PHF24: variants seen among roughly 807,000 people sequenced by gnomAD.
The protein encoded by PHF24 is PHD finger protein 24, also known as Galpha inhibitory interacting protein.
PHF24 carries 25 observed loss-of-function variants against 42.6 expected under a neutral mutation model. That is an observed-to-expected ratio of 0.59 (90% CI 0.43 to 0.82). PHF24 has a LOEUF of 0.82. PHF24 is among the 40% of genes least tolerant of loss of function. The probability of loss-of-function intolerance (pLI) is 0.00; values close to 1 mark genes in which losing one functional copy is unlikely to be tolerated. For missense variants in PHF24, 470 were observed against 538.1 expected, an observed-to-expected ratio of 0.87 and a Z score of 1.25; for synonymous variants, 185 against 204.8, an observed-to-expected ratio of 0.90 and a Z score of 0.83.
chr9:34,803,233 C>G, the PHF24 span, among the ~76,000 whole-genome samples: 1 of 151,928 alleles, frequency 6.6e-6, no homozygotes, highest in African/African-American at 2.4e-5. Flanking sequence ...GTGGATGTCT[C>G]TTAAAGACTC....
the PHF24 span, among the ~76,000 whole-genome samples, chr9:34,759,580 C>T: frequency 9.2e-5 from 14 of 152,280 alleles, no homozygotes; most frequent in African/African-American, 3.4e-4. Flanking sequence ...AAGAGGTGAG[C>T]AGAGCACCAT....
At chr9:34,717,157 C>T in the PHF24 span, among the ~76,000 whole-genome samples, 1 of 152,112 alleles carries the variant, frequency 6.6e-6, no homozygotes, top group South Asian at 2.1e-4. Context: ...CACCCACCAG[C>T]ATTATCTGTC....
intron 7 of PHF24, 148 bp from the exon 8 acceptor site, chr9:34,977,866 CT>C: frequency 1.3e-6 from 1 of 773,202 alleles, no homozygotes; most frequent in Non-Finnish European, 2.2e-6. Context: ...CCAAGCTTCC[CT>C]GAGTTTTGTG....
the PHF24 span, chr9:34,918,285 T>C: frequency 7.7e-7 from 1 of 1,306,922 alleles, no homozygotes; most frequent in Non-Finnish European, 1.1e-6. Context: ...GCCCTTCCAG[T>C]ACAAAAACTA....
At chr9:34,729,329 C>T in the PHF24 span, 2 of 1,552,008 alleles carry the variant, frequency 1.3e-6, no homozygotes, top group South Asian at 1.2e-5. Flanking sequence ...CATGGTGGCT[C>T]CTTTTCACTT....
the PHF24 span, among the ~76,000 whole-genome samples, chr9:34,768,473 C>T: frequency 6.6e-6 from 1 of 152,028 alleles, no homozygotes; most frequent in Non-Finnish European, 1.5e-5. Context: ...TTTTTTGTGA[C>T]CTTGGGCAAT....
At chr9:34,809,156 G>T in the PHF24 span, among the ~76,000 whole-genome samples, 1 of 151,760 alleles carries the variant, frequency 6.6e-6, no homozygotes, top group East Asian at 1.9e-4. The surrounding 1 kb of genome is among the most constrained non-coding windows in gnomAD (Gnocchi z 4.1). Context: ...GTTCTTGTTT[G>T]TATCCCCCAC....
the PHF24 span, among the ~76,000 whole-genome samples, chr9:34,875,810 T>A: frequency 6.6e-6 from 1 of 151,980 alleles, no homozygotes; most frequent in Non-Finnish European, 1.5e-5. Context: ...CTGGTGCTCA[T>A]GAGGCATGTG....
At chr9:34,838,536 C>T in the PHF24 span, 36 of 1,272,900 alleles carry the variant, frequency 2.8e-5, no homozygotes, top group East Asian at 5.1e-5. Flanking sequence ...CCCTCTATCT[C>T]GGCATTCAGG....
chr9:34,737,654 C>A, the PHF24 span, among the ~76,000 whole-genome samples: 3 of 152,222 alleles, frequency 2.0e-5, no homozygotes, highest in Non-Finnish European at 4.4e-5. Context: ...ACATTTTCAC[C>A]AACAATGTAT....
chr9:34,919,574 ATC>A, the PHF24 span, among the ~76,000 whole-genome samples: 17 of 151,624 alleles, frequency 1.1e-4, no homozygotes, highest in Non-Finnish European at 1.9e-4. Context: ...CATTCCAATG[ATC>A]TCTTTTAGTT....
chr9:34,906,949 G>A, the PHF24 span, among the ~76,000 whole-genome samples: 5 of 152,268 alleles, frequency 3.3e-5, no homozygotes, highest in Middle Eastern at 3.4e-3. Context: ...GCAGTGGTGT[G>A]ATTATAGCTC....
chr9:34,841,918 C>G, the PHF24 span, among the ~76,000 whole-genome samples: 1 of 152,178 alleles, frequency 6.6e-6, no homozygotes, highest in African/African-American at 2.4e-5. Flanking sequence ...ACTTGTGAAA[C>G]CATTATCACA....
the PHF24 span, among the ~76,000 whole-genome samples, chr9:34,695,778 A>G: frequency 4.6e-5 from 7 of 152,328 alleles, no homozygotes; most frequent in South Asian, 1.5e-3. Flanking sequence ...TTGAGTGGTG[A>G]GAGGGAGTAG....
chr9:34,705,605 C>T, the PHF24 span, among the ~76,000 whole-genome samples: 63 of 152,332 alleles, frequency 4.1e-4, no homozygotes, highest in African/African-American at 1.4e-3. Flanking sequence ...TACACGCATA[C>T]ATGCACCAAA....
the PHF24 span, among the ~76,000 whole-genome samples, chr9:34,829,097 G>A: frequency 6.6e-6 from 1 of 152,020 alleles, no homozygotes; most frequent in Non-Finnish European, 1.5e-5. Context: ...AGTGAGAAGT[G>A]GTCATATTCT....
chr9:34,955,871 A>G (rs943271103), upstream of PHF24, among the ~76,000 whole-genome samples: 1 of 152,220 alleles, frequency 6.6e-6, no homozygotes, highest in Non-Finnish European at 1.5e-5. Context: ...TGCACTTTCT[A>G]ACCTCTCCAT....
chr9:34,750,333 A>G, the PHF24 span, among the ~76,000 whole-genome samples: 2 of 151,980 alleles, frequency 1.3e-5, no homozygotes, highest in East Asian at 3.9e-4. Context: ...TGTCTCCACT[A>G]AAAATACAAA....
chr9:34,863,025 G>T, the PHF24 span, among the ~76,000 whole-genome samples: 19 of 152,076 alleles, frequency 1.2e-4, no homozygotes, highest in South Asian at 3.9e-3. Context: ...TGGCCATGGG[G>T]TGAGGTTCCT....
Sources: allele counts gnomAD v4.1 joint callset (sites outside exome capture counted in the v4.1 genomes callset), GRCh38; gene constraint gnomAD v4.1.1; non-coding constraint Gnocchi (gnomAD v3.1); transcripts MANE v1.5; gene names NCBI Gene and HGNC (gene_info 2026-07-23, HGNC 2026-07-21).